RBFOX1: variants seen among roughly 807,000 people sequenced by gnomAD.
RBFOX1 encodes RNA binding protein fox-1 homolog 1.
In RBFOX1, 8 loss-of-function variants were observed where a neutral mutation model predicts 57.7. The ratio of observed to expected loss-of-function variants is 0.14; its 90% CI spans 0.08 to 0.25. RBFOX1 has a LOEUF of 0.25. Among genes scored for constraint, RBFOX1 ranks in the 10% least tolerant of loss-of-function variants. The pLI is 1.00. For missense variants in RBFOX1, 611 were observed against 548.5 expected (o/e 1.11, Z -1.14); for synonymous variants, 326 against 222.4 (o/e 1.47, Z -4.15).
chr16:6,255,941 G>T (rs1358175694), intron 1 of RBFOX1, among the ~76,000 whole-genome samples: 1 of 151,308 alleles, frequency 6.6e-6, no homozygotes. Flanking sequence ...CCTAATGCAT[G>T]CGGGGCTTAA....
At chr16:6,871,211 A>T (rs1050500070) in intron 3 of RBFOX1, among the ~76,000 whole-genome samples, 1 of 151,978 alleles carries the variant, frequency 6.6e-6, no homozygotes, top group Admixed American at 6.6e-5. Context: ...TTGGAGATGG[A>T]GTGTTGCTCT....
intron 1 of RBFOX1, among the ~76,000 whole-genome samples, chr16:6,161,974 AG>A (rs570805780): frequency 1.3e-5 from 2 of 152,212 alleles, no homozygotes; most frequent in Non-Finnish European, 2.9e-5. Flanking sequence ...CAGCCAACTA[AG>A]GGTACTTATT....
chr16:5,649,630 T>A (rs939097278), intron 3 of RBFOX1, among the ~76,000 whole-genome samples: 1 of 152,244 alleles, frequency 6.6e-6, no homozygotes. Context: ...ATGCAGCCTC[T>A]GTCATGAATT....
At chr16:6,969,960 C>G (rs150397589) in intron 3 of RBFOX1, among the ~76,000 whole-genome samples, 1 of 151,956 alleles carries the variant, frequency 6.6e-6, no homozygotes, top group Non-Finnish European at 1.5e-5. Flanking sequence ...AATAAGGACA[C>G]GTGTTATTTT....
intron 1 of RBFOX1, among the ~76,000 whole-genome samples, chr16:5,425,105 C>CTATCATT: frequency 7.6e-6 from 1 of 131,566 alleles, no homozygotes; most frequent in Admixed American, 8.2e-5. Context: ...ATCTATCTAT[C>CTATCATT]TATCTATCTA....
chr16:7,234,851 G>T lies in RBFOX1; in HGVS notation c.27+182753G>T, dbSNP rs200346271. Among the ~76,000 whole-genome samples the T allele has an allele frequency of 5.3e-5, 8 of 152,092 alleles. No individual in the cohort carries two copies. In the East Asian group the frequency reaches 1.5e-3, roughly 29 times the overall value. On this transcript the variant is annotated intron_variant, in intron 4 of 15. Transcript: ENST00000550418. ...ATTTTTGGTACGTGGATGTTTTTTAGCATTTAATGGATAACAATTTTGTAT... is the reference window on the plus strand; with the variant it reads ...ATTTTTGGTACGTGGATGTTTTTTATCATTTAATGGATAACAATTTTGTAT...
chr16:5,593,984 C>T (rs1160923451), intron 2 of RBFOX1, among the ~76,000 whole-genome samples: 2 of 152,078 alleles, frequency 1.3e-5, no homozygotes, highest in Non-Finnish European at 2.9e-5. Context: ...TACACCACCC[C>T]CATCCTGCCC....
chr16:7,571,622 C>T (rs185580240), intron 5 of RBFOX1, among the ~76,000 whole-genome samples: 7 of 152,184 alleles, frequency 4.6e-5, no homozygotes, highest in African/African-American at 1.2e-4. Context: ...AAAATTCTGC[C>T]GCACAGATCC....
At chr16:6,393,089 G>T (rs2092678207) in intron 2 of RBFOX1, among the ~76,000 whole-genome samples, 1 of 152,200 alleles carries the variant, frequency 6.6e-6, no homozygotes, top group Non-Finnish European at 1.5e-5. Context: ...ACTTTCCTTT[G>T]AAATTTGTGT....
intron 3 of RBFOX1, among the ~76,000 whole-genome samples, chr16:6,726,897 G>C (rs1404064285): frequency 6.6e-6 from 1 of 152,028 alleles, no homozygotes; most frequent in Admixed American, 6.6e-5. Flanking sequence ...GCTATAAATG[G>C]CTGAGGAGGG....
intron 13 of RBFOX1, among the ~76,000 whole-genome samples, chr16:7,675,593 T>G (rs540664303): frequency 3.3e-5 from 5 of 152,210 alleles, no homozygotes; most frequent in Non-Finnish European, 7.3e-5. Context: ...AGAAAGAAAT[T>G]GAGACCCGTG....
At chr16:6,061,231 A>G (rs1359889740) in intron 1 of RBFOX1, among the ~76,000 whole-genome samples, 1 of 152,174 alleles carries the variant, frequency 6.6e-6, no homozygotes, top group Admixed American at 6.6e-5. Flanking sequence ...CAATTGATTA[A>G]TAGATCTAGA....
intron 4 of RBFOX1, among the ~76,000 whole-genome samples, chr16:7,472,121 A>T (rs2061670457): frequency 6.6e-6 from 1 of 152,254 alleles, no homozygotes; most frequent in South Asian, 2.1e-4. Context: ...ATCGAAGAAT[A>T]TATAACATGT....
intron 3 of RBFOX1, among the ~76,000 whole-genome samples, chr16:6,957,802 G>C (rs1250980677): frequency 6.6e-6 from 1 of 152,102 alleles, no homozygotes; most frequent in Non-Finnish European, 1.5e-5. Context: ...GGGAAAGCCA[G>C]GCATCTCTCT....
intron 2 of RBFOX1, among the ~76,000 whole-genome samples, chr16:6,342,065 T>C (rs558256513): frequency 2.6e-5 from 4 of 152,316 alleles, no homozygotes; most frequent in Middle Eastern, 3.4e-3. Flanking sequence ...TTATTCTGCC[T>C]AGCACAGGGC....
intron 4 of RBFOX1, among the ~76,000 whole-genome samples, chr16:5,926,523 T>C (rs929893720): frequency 5.3e-5 from 8 of 152,134 alleles, no homozygotes; most frequent in African/African-American, 1.9e-4. Flanking sequence ...CCCATGCCAA[T>C]GTGACTGTAG....
intron 2 of RBFOX1, among the ~76,000 whole-genome samples, chr16:6,503,775 C>T (rs946830514): frequency 5.3e-5 from 8 of 152,092 alleles, no homozygotes; most frequent in Admixed American, 2.6e-4. Context: ...AGTGATGTCT[C>T]GCGATGGAGG....
At chr16:5,436,763 A>G (rs2067930611) in intron 1 of RBFOX1, among the ~76,000 whole-genome samples, 2 of 152,120 alleles carry the variant, frequency 1.3e-5, no homozygotes, top group Non-Finnish European at 2.9e-5. Flanking sequence ...ACTTGAACCC[A>G]GGAAGCGGAG....
intron 3 of RBFOX1, among the ~76,000 whole-genome samples, chr16:5,623,818 G>A (rs975174116): frequency 2.0e-5 from 3 of 151,858 alleles, no homozygotes; most frequent in African/African-American, 7.3e-5. Flanking sequence ...ATCCTTCACT[G>A]TTTATAAAGG....
Sources: allele counts gnomAD v4.1 joint callset (sites outside exome capture counted in the v4.1 genomes callset), GRCh38; gene constraint gnomAD v4.1.1; transcripts MANE v1.5; gene names NCBI Gene and HGNC (gene_info 2026-07-23, HGNC 2026-07-21).